The following TBC1D24 variants were observed in gnomAD, a reference collection of about 807,000 sequenced individuals.
TBC1D24 encodes TBC1 domain family member 24.
In TBC1D24, 47 loss-of-function variants were observed where a neutral mutation model predicts 50.7. The ratio of observed to expected loss-of-function variants is 0.93; its 90% CI spans 0.73 to 1.18. The LOEUF (loss-of-function observed/expected upper bound fraction) is 1.18, where lower values mean the gene tolerates loss of function less well. Ranked by LOEUF, TBC1D24 falls within the 50% of genes most tolerant of loss-of-function variation. The probability of loss-of-function intolerance (pLI) is 0.00; values close to 1 mark genes in which losing one functional copy is unlikely to be tolerated. For synonymous variants in TBC1D24, 324 were observed against 335.2 expected, an observed-to-expected ratio of 0.97 and a Z score of 0.36; for missense variants, 688 against 766.5, an observed-to-expected ratio of 0.90 and a Z score of 1.21.
chr16:2,489,293 G>A (rs959715300), intron 1 of TBC1D24, among the ~76,000 whole-genome samples: 9 of 151,640 alleles, frequency 5.9e-5, no homozygotes, highest in African/African-American at 1.2e-4. Flanking sequence ...TTAGCCGGGC[G>A]TGGTGGTGGG....
In TBC1D24 at chr16:2,497,068, A is replaced by G. The variant is rs761934676; in HGVS notation, c.920A>G (p.Asn307Ser). Residue 307 changes from asparagine (N) to serine (S), a missense_variant, in exon 2 of 8, where the codon AAT becomes AGT. Transcript: ENST00000646147. ...RKEIQLLQMA[N>S]EKALKQKGIT... ...GAGATCCAGCTCCTGCAGATGGCCA[A>G]TGAGAAAGCCCTGAAGCAGAAGGGC... 5.2e-5 allele frequency: 83 copies of G among 1,610,948 alleles called. No homozygotes were observed. Among genetic ancestry groups the G allele is most frequent in the Non-Finnish European group, 6.6e-5 (78 of 1,180,028 alleles).
At chr16:2,476,089 G>C (rs1328643029) in intron 1 of TBC1D24, among the ~76,000 whole-genome samples, 1 of 152,288 alleles carries the variant, frequency 6.6e-6, no homozygotes, top group South Asian at 2.1e-4. Context: ...TTCCAGTGCC[G>C]ATAGAAGCAC....
At position 2,483,288 on chromosome 16, in the gene TBC1D24, C is replaced by T. The variant is rs1414442506; in HGVS notation, c.-116+8118C>T. 2.0e-5 allele frequency: 3 copies of T among 152,402 alleles called. No homozygotes were observed. The highest frequency in any genetic ancestry group is 4.4e-5 in the Non-Finnish European group (3 of 68,172). 9.4% of individuals were successfully genotyped at this position (152,402 alleles called of 1,614,324 possible). ...GGCTGGGCCACTGGAAACCGCTGAGCAGGCGGCAGGACTTCTCCCTCTCCC... is the reference window on the plus strand; with the variant it reads ...GGCTGGGCCACTGGAAACCGCTGAGTAGGCGGCAGGACTTCTCCCTCTCCC... On this transcript the variant is annotated intron_variant, in intron 1 of 7. Coordinates refer to ENST00000646147, the MANE Select transcript of TBC1D24 (RefSeq NM_001199107.2). This position sits in a 1 kb window ranked among gnomAD's most constrained non-coding sequence, Gnocchi z 4.0.
At chr16:2,478,533 G>A (rs1429948278) in intron 1 of TBC1D24, 3 of 152,270 alleles carry the variant, frequency 2.0e-5, no homozygotes, top group Non-Finnish European at 4.4e-5. Context: ...TGTACTAGAC[G>A]AGAGCATTTT....
At position 2,486,153 on chromosome 16, in the gene TBC1D24, G is replaced by A. The variant is rs536139279; in HGVS notation, c.-115-9881G>A. Among the ~76,000 whole-genome samples, 120 of 152,332 alleles carry A rather than the reference G, an allele frequency of 7.9e-4. No homozygotes were observed. Among genetic ancestry groups the A allele is most frequent in the African/African-American group, 2.9e-3 (119 of 41,582 alleles). ...CACTTGGCAAGGTCCAGGGGCTTCC[G>A]TGGGGAGCGAGATTGTTTTGGATCC... On this transcript the variant is annotated intron_variant, in intron 1 of 7. Coordinates refer to ENST00000646147, the MANE Select transcript of TBC1D24 (RefSeq NM_001199107.2). This position sits in a 1 kb window ranked among gnomAD's most constrained non-coding sequence, Gnocchi z 5.8.
rs2065785569 is a variant in TBC1D24, at chr16:2,500,693, G to T, written c.1526-111G>T. On this transcript the variant is annotated intron_variant, in intron 7 of 7. Transcript: ENST00000646147. The surrounding 1 kb of genome is among the most constrained non-coding windows in gnomAD (Gnocchi z 8.0). ...GGGGGCTATGGAGGGTCAACGGTCT[G>T]TGCGGTTTCAGAGAGGCCCGTGCAG... 2 of 1,445,954 alleles carry T rather than the reference G, an allele frequency of 1.4e-6. No homozygotes were observed. Among genetic ancestry groups the T allele is most frequent in the Non-Finnish European group, 1.8e-6 (2 of 1,081,522 alleles). 89.6% of individuals were successfully genotyped at this position (1,445,954 alleles called of 1,614,324 possible).
At chr16:2,488,590 G>A (rs1653099042) in intron 1 of TBC1D24, among the ~76,000 whole-genome samples, 1 of 144,850 alleles carries the variant, frequency 6.9e-6, no homozygotes, top group African/African-American at 2.6e-5. Flanking sequence ...CGGCTCACTG[G>A]AAGCTCTGCC....
chr16:2,499,687 C>T lies in TBC1D24; in HGVS notation c.1207-148C>T. On this transcript the variant is annotated intron_variant, in intron 5 of 7. Transcript: ENST00000646147. This position sits in a 1 kb window ranked among gnomAD's most constrained non-coding sequence, Gnocchi z 4.0. ...TGCACACACCTGCAACACTGCCTTTCCCACACCACTCCTGCCCTGGGGTGG... is the reference window on the plus strand; with the variant it reads ...TGCACACACCTGCAACACTGCCTTTTCCACACCACTCCTGCCCTGGGGTGG... 1.2e-6 allele frequency: 1 copy of T among 813,778 alleles called. No individual in the cohort carries two copies. 50.4% of individuals were successfully genotyped at this position (813,778 alleles called of 1,614,324 possible).
At chr16:2,484,506 G>T (rs946655167) in intron 1 of TBC1D24, 8 of 152,246 alleles carry the variant, frequency 5.3e-5, no homozygotes, top group African/African-American at 1.9e-4. Flanking sequence ...ACCACCCCGG[G>T]GCCTCTCTGC....
chr16:2,475,950 G>T lies in TBC1D24; in HGVS notation c.-116+780G>T, dbSNP rs1383448495. ...TGCGGGGGTGATATTAAAGGTCAAAGGTTGTCTAAAAGCCACCTGGGTGGT... is the reference window on the plus strand; with the variant it reads ...TGCGGGGGTGATATTAAAGGTCAAATGTTGTCTAAAAGCCACCTGGGTGGT... On this transcript the variant is annotated intron_variant, in intron 1 of 7. Transcript: ENST00000646147. This position sits in a 1 kb window ranked among gnomAD's most constrained non-coding sequence, Gnocchi z 4.2. Among the ~76,000 whole-genome samples the T allele has an allele frequency of 6.6e-6, 1 of 152,252 alleles. No individual in the cohort carries two copies. Among genetic ancestry groups the T allele is most frequent in the African/African-American group, 2.4e-5 (1 of 41,464 alleles).
Position 2,496,811 on chromosome 16 carries a change from C to T in TBC1D24, c.663C>T (p.Pro221=), listed in dbSNP as rs148670169. The change falls in exon 2 of 8, where the codon CCC becomes CCT. Residue 221 remains proline (P), a synonymous_variant. Coordinates refer to ENST00000646147, the MANE Select transcript of TBC1D24 (RefSeq NM_001199107.2). ...AGCGCTGGCTGTTTGGGGAGCTGCCCCTCTGCTACTTCGCCCGGGTCTTTG... is the reference window on the plus strand; with the variant it reads ...AGCGCTGGCTGTTTGGGGAGCTGCCTCTCTGCTACTTCGCCCGGGTCTTTG... ...DWQRWLFGEL[P]LCYFARVFDV... is the part of the protein sequence containing the mutation. The T allele has an allele frequency of 3.4e-4, 541 of 1,614,026 alleles. 3 individuals carry two copies. In the East Asian group the frequency reaches 0.01, roughly 31 times the overall value.
At chr16:2,493,194 A>C (rs1360118208) in intron 1 of TBC1D24, among the ~76,000 whole-genome samples, 1 of 151,700 alleles carries the variant, frequency 6.6e-6, no homozygotes, top group African/African-American at 2.4e-5. Flanking sequence ...GCTGGAGTGC[A>C]GTGGCACAAT....
Position 2,499,842 on chromosome 16 carries a change from G to T in TBC1D24, c.1214G>T (p.Gly405Val). The T allele has an allele frequency of 2.5e-6, 4 of 1,613,990 alleles. No individual in the cohort carries two copies. Among genetic ancestry groups the T allele is most frequent in the Non-Finnish European group, 3.4e-6 (4 of 1,179,930 alleles). ...CCCAGACCTTTCCCCCAGGTGTGTG[G>T]TGCTTACCTGTCCACAGACTGGAGT... is the stretch of plus-strand genomic sequence containing the variant. ...LIKTTQKEVCGAYLSTDWSER... is the reference protein window; with the variant it reads ...LIKTTQKEVCVAYLSTDWSER... Residue 405 changes from glycine (G) to valine (V), a missense_variant, in exon 6 of 8, where the codon GGT becomes GTT. By Grantham distance (109) the Gly-to-Val change is moderately radical. Coordinates refer to ENST00000646147, the MANE Select transcript of TBC1D24 (RefSeq NM_001199107.2). The surrounding 1 kb of genome is among the most constrained non-coding windows in gnomAD (Gnocchi z 4.0).
rs573218195 is a variant in TBC1D24 at position 2,504,495 on chromosome 16, C to T, written c.*3537C>T. 2.2e-4 allele frequency: 33 copies of T among 149,968 alleles called. No individual in the cohort carries two copies. Among genetic ancestry groups the T allele is most frequent in the South Asian group, 4.2e-4 (2 of 4,770 alleles). The allele number at this position is 149,968 out of a possible 1,614,324, so 9.3% of individuals were successfully genotyped here. On this transcript the variant is annotated 3_prime_UTR_variant, in exon 8 of 8. Transcript: ENST00000646147. ...GTGCAGTGGCGCGATCTCGGCTCACCGCAAGCCCCGCCTCCCGGATTCACG... is the reference window on the plus strand; with the variant it reads ...GTGCAGTGGCGCGATCTCGGCTCACTGCAAGCCCCGCCTCCCGGATTCACG...
intron 1 of TBC1D24, among the ~76,000 whole-genome samples, chr16:2,494,526 C>G (rs2065721849): frequency 6.6e-6 from 1 of 152,078 alleles, no homozygotes; most frequent in Non-Finnish European, 1.5e-5. Flanking sequence ...GTTTAGGAGC[C>G]TGGAGTGGAC....
chr16:2,498,361 G>A lies in TBC1D24; in HGVS notation c.1107G>A (p.Leu369=), dbSNP rs752410201. The change falls in exon 4 of 8, where the codon CTG becomes CTA. Residue 369 remains leucine (L), a synonymous_variant. Coordinates refer to ENST00000646147, the MANE Select transcript of TBC1D24 (RefSeq NM_001199107.2). ...TTGCCCTGTGCCAGCCCCTTCTGCT[G>A]TTCTCCTCCCTGCAGCACGGGTACA... is the stretch of plus-strand genomic sequence containing the variant. ...ERFALCQPLL[L]FSSLQHGYSL... 6.2e-7 allele frequency: 1 copy of A among 1,609,512 alleles called. No homozygotes were observed. The highest frequency in any genetic ancestry group is 8.5e-7 in the Non-Finnish European group (1 of 1,178,078).
At chr16:2,481,786 C>G (rs2065612090) in intron 1 of TBC1D24, 1 of 152,274 alleles carries the variant, frequency 6.6e-6, no homozygotes, top group African/African-American at 2.4e-5. Context: ...TGCTCAGGCT[C>G]CGAGCAGCAG....
intron 1 of TBC1D24, chr16:2,479,586 G>C (rs1293278597): frequency 6.6e-6 from 1 of 152,290 alleles, no homozygotes; most frequent in Non-Finnish European, 1.5e-5. Context: ...CTGAGGGGTG[G>C]AATGGATGAG....
chr16:2,500,868 C>A lies in TBC1D24; in HGVS notation c.1590C>A (p.Cys530Ter), dbSNP rs1060502501. 6.2e-7 allele frequency: 1 copy of A among 1,612,676 alleles called. No homozygotes were observed. Among genetic ancestry groups the A allele is most frequent in the South Asian group, 1.1e-5 (1 of 91,080 alleles). Reference sequence around the variant, plus strand: ...TGAACCGGGGCCGCACAAGCCACTGCGACACCTTCAACAACCAGCCCCTCT... The same window carrying A: ...TGAACCGGGGCCGCACAAGCCACTGAGACACCTTCAACAACCAGCCCCTCT... ...GDLNRGRTSH[C>*]DTFNNQPLCS... Residue 530 changes from cysteine to a stop codon, truncating the protein, a stop_gained, in exon 8 of 8, where the codon TGC becomes TGA. Coordinates refer to ENST00000646147, the MANE Select transcript of TBC1D24 (RefSeq NM_001199107.2). LOFTEE classifies it high-confidence loss of function. The surrounding 1 kb of genome is among the most constrained non-coding windows in gnomAD (Gnocchi z 8.0).
Sources: allele counts gnomAD v4.1 joint callset (sites outside exome capture counted in the v4.1 genomes callset), GRCh38; gene constraint gnomAD v4.1.1; non-coding constraint Gnocchi (gnomAD v3.1); transcripts MANE v1.5; gene names NCBI Gene and HGNC (gene_info 2026-07-23, HGNC 2026-07-21).